PLXDC1: variants seen among roughly 807,000 people sequenced by gnomAD.
The protein encoded by PLXDC1 is plexin domain containing 1.
In PLXDC1, 39 loss-of-function variants were observed where a neutral mutation model predicts 61.3. The ratio of observed to expected loss-of-function variants is 0.64; its 90% CI spans 0.49 to 0.83. The LOEUF (loss-of-function observed/expected upper bound fraction) is 0.83. Ranked by LOEUF, PLXDC1 falls within the 40% of genes least tolerant of loss-of-function variation. PLXDC1 has a pLI of 0.00. For missense variants in PLXDC1, 596 were observed against 666.5 expected, an observed-to-expected ratio of 0.89 and a Z score of 1.17; for synonymous variants, 212 against 254.5, an observed-to-expected ratio of 0.83 and a Z score of 1.59.
At chr17:39,074,404 G>GA (rs763555218) in intron 11 of PLXDC1, among the ~76,000 whole-genome samples, 5 of 151,614 alleles carry the variant, frequency 3.3e-5, no homozygotes, top group Non-Finnish European at 5.9e-5. Context: ...TCCAGGACTG[G>GA]AAGGACATAG....
At chr17:39,147,210 C>T (rs2045348009) in intron 1 of PLXDC1, among the ~76,000 whole-genome samples, 1 of 152,204 alleles carries the variant, frequency 6.6e-6, no homozygotes, top group Non-Finnish European at 1.5e-5. Flanking sequence ...CCCACCTCGA[C>T]CTCCCAAAGT....
chr17:39,076,077 G>GAAA, intron 11 of PLXDC1, among the ~76,000 whole-genome samples: 1 of 82,400 alleles, frequency 1.2e-5, no homozygotes, highest in Non-Finnish European at 2.3e-5. Context: ...GACTAAGTCT[G>GAAA]AAAAAAAAAA....
At chr17:39,087,382 A>G (rs1358468792) in intron 8 of PLXDC1, among the ~76,000 whole-genome samples, 6 of 152,162 alleles carry the variant, frequency 3.9e-5, no homozygotes, top group Non-Finnish European at 8.8e-5. Context: ...GGACCCATCA[A>G]TGTCAGAGCT....
intron 9 of PLXDC1, among the ~76,000 whole-genome samples, chr17:39,082,677 G>A (rs1217137343): frequency 6.6e-6 from 1 of 152,090 alleles, no homozygotes; most frequent in Non-Finnish European, 1.5e-5. Flanking sequence ...AGCCCTTGGA[G>A]TTCATAGGAC....
At chr17:39,096,916 C>G (rs1163295405) in intron 7 of PLXDC1, 1 of 471,298 alleles carries the variant, frequency 2.1e-6, no homozygotes. Context: ...ACAGATGCTG[C>G]TAATTGCACA....
At chr17:39,100,067 A>G (rs1003979227) in intron 7 of PLXDC1, among the ~76,000 whole-genome samples, 4 of 152,140 alleles carry the variant, frequency 2.6e-5, no homozygotes, top group Non-Finnish European at 5.9e-5. Context: ...GCCAGCTGCC[A>G]TATCATGGGG....
intron 11 of PLXDC1, among the ~76,000 whole-genome samples, chr17:39,075,151 G>A (rs995084714): frequency 1.3e-5 from 2 of 152,154 alleles, no homozygotes; most frequent in Non-Finnish European, 2.9e-5. Context: ...TAGAGACATA[G>A]TTTTGCCATG....
intron 2 of PLXDC1, among the ~76,000 whole-genome samples, chr17:39,123,715 CAATT>C (rs779084055): frequency 1.3e-5 from 2 of 152,202 alleles, no homozygotes; most frequent in Non-Finnish European, 2.9e-5. Flanking sequence ...TCTTCCGCCT[CAATT>C]AGTCATGCCC....
At chr17:39,120,095 G>T (rs1489814995) in intron 2 of PLXDC1, among the ~76,000 whole-genome samples, 3 of 152,238 alleles carry the variant, frequency 2.0e-5, no homozygotes, top group East Asian at 3.9e-4. Flanking sequence ...AGGACCTAAG[G>T]CCATGACAGG....
intron 1 of PLXDC1, among the ~76,000 whole-genome samples, chr17:39,150,119 C>G (rs1163955053): frequency 6.6e-6 from 1 of 152,112 alleles, no homozygotes; most frequent in East Asian, 1.9e-4. Context: ...GATGGCGGGA[C>G]TAGAAGCCAC....
intron 3 of PLXDC1, 126 bp downstream of exon 3, chr17:39,109,122 G>A: frequency 1.5e-6 from 2 of 1,348,858 alleles, no homozygotes; most frequent in Non-Finnish European, 2.1e-6. Context: ...AGTCCCATGG[G>A]AACCCCTGGA....
intron 5 of PLXDC1, chr17:39,107,763 CTT>C: frequency 1.7e-6 from 1 of 585,566 alleles, no homozygotes. Context: ...ATCTCTTTCC[CTT>C]TCCTTCTTGT....
At chr17:39,080,241 C>G (rs1909502999) in intron 9 of PLXDC1, 1 of 152,496 alleles carries the variant, frequency 6.6e-6, no homozygotes, top group African/African-American at 2.4e-5. Flanking sequence ...GGCACCACTG[C>G]ACTCCAGCCT....
intron 9 of PLXDC1, chr17:39,079,801 TA>T (rs762076614): frequency 2.9e-4 from 100 of 339,294 alleles, no homozygotes; most frequent in Admixed American, 5.1e-4. Context: ...TCTTTGGTGC[TA>T]GGGGAACCCA....
intron 1 of PLXDC1, 86 bp from the exon 2 acceptor site, chr17:39,139,918 C>T: frequency 2.3e-6 from 3 of 1,309,906 alleles, no homozygotes; most frequent in South Asian, 1.4e-5. Context: ...CTGCAAGGGC[C>T]CCAACACCAT....
At chr17:39,106,188 C>T (rs1396302859) in intron 6 of PLXDC1, among the ~76,000 whole-genome samples, 3 of 152,102 alleles carry the variant, frequency 2.0e-5, no homozygotes, top group Admixed American at 6.5e-5. Flanking sequence ...GCCGGAAACC[C>T]GGGACATACC....
At chr17:39,112,337 C>A (rs946829380) in intron 2 of PLXDC1, 6 of 152,206 alleles carry the variant, frequency 3.9e-5, no homozygotes. Context: ...TACAGCCTGC[C>A]CTCTTCCCCC....
At chr17:39,075,486 G>T (rs1249482136) in intron 11 of PLXDC1, among the ~76,000 whole-genome samples, 1 of 152,174 alleles carries the variant, frequency 6.6e-6, no homozygotes, top group Non-Finnish European at 1.5e-5. Flanking sequence ...TCTGCTTTTG[G>T]AGCTAGATGA....
At chr17:39,134,127 G>A (rs531878928) in intron 2 of PLXDC1, among the ~76,000 whole-genome samples, 12 of 152,050 alleles carry the variant, frequency 7.9e-5, no homozygotes, top group African/African-American at 1.4e-4. Flanking sequence ...GGTGGCAGGC[G>A]CCTGTAGTCC....
Sources: gnomAD v4.1 joint callset for allele counts (sites outside exome capture counted in the v4.1 genomes callset) on GRCh38, gnomAD v4.1.1 for gene constraint, MANE v1.5 for transcripts, NCBI Gene and HGNC (gene_info 2026-07-23, HGNC 2026-07-21) for gene names.